CTNNA2: variants seen among roughly 807,000 people sequenced by gnomAD.
CTNNA2 encodes the protein catenin alpha-2.
A neutral mutation model predicts 101.0 loss-of-function variants in CTNNA2; 42 were observed. The observed-to-expected ratio is 0.42, with a 90% CI of 0.32 to 0.54. The LOEUF (loss-of-function observed/expected upper bound fraction) is 0.54. Ranked by LOEUF, CTNNA2 falls within the 20% of genes least tolerant of loss-of-function variation. CTNNA2 has a pLI of 0.14. For missense variants in CTNNA2, 871 were observed against 1,223.1 expected (o/e 0.71, Z 4.29); for synonymous variants, 450 against 456.4 (o/e 0.99, Z 0.18).
intron 9 of CTNNA2, among the ~76,000 whole-genome samples, chr2:80,494,913 T>C (rs1687333615): frequency 6.6e-6 from 1 of 152,174 alleles, no homozygotes; most frequent in Non-Finnish European, 1.5e-5. Flanking sequence ...GAATCAGATA[T>C]GGCGTAATTT....
rs532573743 is a variant in CTNNA2 at position 80,037,593 on chromosome 2, G to T, written c.1056+127796G>T. Among the ~76,000 whole-genome samples, 5 of 152,280 alleles carry T rather than the reference G, an allele frequency of 3.3e-5. No homozygotes were observed. In the South Asian group the frequency reaches 8.3e-4, roughly 25 times the overall value. On this transcript the variant is annotated intron_variant, in intron 7 of 18. Coordinates refer to ENST00000402739, the MANE Select transcript of CTNNA2 (RefSeq NM_001282597.3). ...TTTGTCTGGAGAATTGAGTAAGAATGCTGGGAAGAAACAAGAGCATCATGA... is the reference window on the plus strand; with the variant it reads ...TTTGTCTGGAGAATTGAGTAAGAATTCTGGGAAGAAACAAGAGCATCATGA...
At chr2:80,151,182 T>C (rs550028286) in intron 7 of CTNNA2, among the ~76,000 whole-genome samples, 2 of 152,360 alleles carry the variant, frequency 1.3e-5, no homozygotes, top group Admixed American at 6.5e-5. Context: ...GTTTCCTTCC[T>C]GTTTGGTCTA....
At chr2:79,695,037 T>G (rs190499474) in intron 2 of CTNNA2, among the ~76,000 whole-genome samples, 2,511 of 151,154 alleles carry the variant, frequency 0.017, 62 homozygotes, top group East Asian at 0.1. Flanking sequence ...TTTTTTTTTT[T>G]GGGGTATTAT....
intron 3 of CTNNA2, among the ~76,000 whole-genome samples, chr2:79,346,278 GAC>G (rs1446287080): frequency 9.2e-5 from 14 of 152,186 alleles, no homozygotes; most frequent in Admixed American, 2.6e-4. Context: ...TGCCTGAAGA[GAC>G]AGACTATTAT....
At chr2:79,989,175 A>G (rs1455052713) in intron 7 of CTNNA2, among the ~76,000 whole-genome samples, 2 of 152,198 alleles carry the variant, frequency 1.3e-5, no homozygotes, top group Non-Finnish European at 2.9e-5. Context: ...CTTAACAAGT[A>G]ACGGTTTCAT....
intron 7 of CTNNA2, among the ~76,000 whole-genome samples, chr2:79,992,611 G>A (rs1484500582): frequency 6.6e-6 from 1 of 152,206 alleles, no homozygotes; most frequent in Non-Finnish European, 1.5e-5. Context: ...GCTATGCTAA[G>A]AGCGTTTATA....
At chr2:80,273,617 A>G (rs1218068937) in intron 7 of CTNNA2, among the ~76,000 whole-genome samples, 1 of 152,112 alleles carries the variant, frequency 6.6e-6, no homozygotes, top group Non-Finnish European at 1.5e-5. Context: ...TATCTCCTGC[A>G]GTGCCTCCCC....
intron 7 of CTNNA2, among the ~76,000 whole-genome samples, chr2:80,106,718 GC>G (rs1176863796): frequency 6.6e-6 from 1 of 152,118 alleles, no homozygotes. Context: ...TCTGGAGCCT[GC>G]CATTCGCTGG....
intron 7 of CTNNA2, among the ~76,000 whole-genome samples, chr2:80,383,803 A>G (rs753560726): frequency 6.6e-5 from 10 of 152,174 alleles, no homozygotes; most frequent in Non-Finnish European, 1.2e-4. Flanking sequence ...CAACCTAGCA[A>G]TTTCATTACT....
At chr2:79,985,572 A>G (rs1040151810) in intron 7 of CTNNA2, among the ~76,000 whole-genome samples, 5 of 152,188 alleles carry the variant, frequency 3.3e-5, no homozygotes, top group Non-Finnish European at 7.3e-5. Context: ...CTGCCTATAA[A>G]CTAAACAAAG....
chr2:80,352,507 G>A (rs938754667), intron 7 of CTNNA2, among the ~76,000 whole-genome samples: 1 of 152,156 alleles, frequency 6.6e-6, no homozygotes, highest in African/African-American at 2.4e-5. Flanking sequence ...CAGGCAATGA[G>A]TCTAATGCCA....
At chr2:79,252,705 T>G (rs1252327083) in intron 2 of CTNNA2, among the ~76,000 whole-genome samples, 4 of 152,182 alleles carry the variant, frequency 2.6e-5, no homozygotes, top group Non-Finnish European at 5.9e-5. Context: ...AGCAGCACTC[T>G]ATTTCTATTA....
intron 2 of CTNNA2, among the ~76,000 whole-genome samples, chr2:79,739,820 C>T (rs760075363): frequency 1.3e-5 from 2 of 152,186 alleles, no homozygotes; most frequent in Non-Finnish European, 2.9e-5. Flanking sequence ...TCTGACTTCT[C>T]TAAGGCATCC....
chr2:79,309,941 A>G (rs6739429), intron 2 of CTNNA2, among the ~76,000 whole-genome samples: 2 of 152,136 alleles, frequency 1.3e-5, no homozygotes, highest in South Asian at 4.1e-4. Context: ...TCACATTTTT[A>G]TTAGTCAATT....
chr2:80,211,697 T>C (rs771466123), intron 7 of CTNNA2, among the ~76,000 whole-genome samples: 22 of 152,324 alleles, frequency 1.4e-4, no homozygotes, highest in Non-Finnish European at 2.4e-4. Context: ...CTTGGCAATG[T>C]GGGCTCTTTT....
At chr2:79,193,766 G>C (rs1673921976) in intron 1 of CTNNA2, among the ~76,000 whole-genome samples, 1 of 152,118 alleles carries the variant, frequency 6.6e-6, no homozygotes, top group Non-Finnish European at 1.5e-5. Context: ...ATGGTCTATA[G>C]GTAAACATCT....
intron 7 of CTNNA2, among the ~76,000 whole-genome samples, chr2:79,950,618 C>T (rs12472674): frequency 0.52 from 79,350 of 151,998 alleles, 21,552 homozygotes; most frequent in East Asian, 0.62. Context: ...CGATTTTCAG[C>T]AACCAGTGTT....
intron 7 of CTNNA2, among the ~76,000 whole-genome samples, chr2:80,005,076 G>T (rs1181183591): frequency 3.9e-5 from 6 of 152,136 alleles, no homozygotes. Context: ...AGATAGCCAG[G>T]TACCCTAATT....
intron 17 of CTNNA2, 182 bp downstream of exon 17, chr2:80,608,500 T>A: frequency 3.9e-6 from 2 of 516,320 alleles, no homozygotes; most frequent in Non-Finnish European, 6.3e-6. Context: ...GCAATTTGAT[T>A]TTCCAATTAC....
Sources: gnomAD v4.1 joint callset for allele counts (sites outside exome capture counted in the v4.1 genomes callset) on GRCh38, gnomAD v4.1.1 for gene constraint, MANE v1.5 for transcripts, NCBI Gene and HGNC (gene_info 2026-07-23, HGNC 2026-07-21) for gene names.